FOXJ2: variants seen among roughly 807,000 people sequenced by gnomAD.
The protein encoded by FOXJ2 is forkhead box J2.
FOXJ2 carries 18 observed loss-of-function variants against 68.4 expected under a neutral mutation model. The observed-to-expected ratio is 0.26, with a 90% CI of 0.18 to 0.39. The LOEUF is 0.39. Ranked by LOEUF, FOXJ2 falls within the 10% of genes least tolerant of loss-of-function variation. FOXJ2 has a pLI of 1.00. For synonymous variants in FOXJ2, 274 were observed against 263.2 expected, an observed-to-expected ratio of 1.04 and a Z score of -0.40; for missense variants, 670 against 726.5, an observed-to-expected ratio of 0.92 and a Z score of 0.89.
Position 8,044,854 on chromosome 12 carries a change from A to G in FOXJ2, c.713A>G (p.Asp238Gly), listed in dbSNP as rs772480881. The G allele has an allele frequency of 4.4e-5, 71 of 1,614,040 alleles. No homozygotes were observed. The Middle Eastern group carries it at 8.3e-4, about 19-fold the overall frequency. Residue 238 changes from aspartate (D) to glycine (G), a missense_variant, in exon 6 of 11, where the codon GAC becomes GGC. Transcript: ENST00000162391. ...CCTCCCCTCTATAACACCAACCATG[A>G]CTTTAAATTCTCCTACTCAGAGATC... Reference protein sequence around the residue: ...GPPPLYNTNHDFKFSYSEINF... With the variant: ...GPPPLYNTNHGFKFSYSEINF...
rs768426316 is a variant in FOXJ2 at position 8,054,266 on chromosome 12, A to C, written c.*1416A>C. On this transcript the variant is annotated 3_prime_UTR_variant, in exon 11 of 11. Transcript: ENST00000162391. ...ATCTCTTTTACAAGGGGTGGCCATG[A>C]CTTACTGTTGCAAAGTACTCAGTGT... is the stretch of plus-strand genomic sequence containing the variant. The C allele has an allele frequency of 2.0e-5, 3 of 152,228 alleles. No homozygotes were observed. Among genetic ancestry groups the C allele is most frequent in the Non-Finnish European group, 2.9e-5 (2 of 68,048 alleles). 9.4% of individuals were successfully genotyped at this position (152,228 alleles called of 1,614,324 possible).
chr12:8,047,817 G>A (rs1947058243), intron 6 of FOXJ2, 65 bp from the exon 7 acceptor site: 2 of 1,521,430 alleles, frequency 1.3e-6, no homozygotes, highest in Non-Finnish European at 1.8e-6. Context: ...CTCAACCCAG[G>A]GAAAATCCCA....
Position 8,038,707 on chromosome 12 carries a change from G to A in FOXJ2, c.-14-1112G>A, listed in dbSNP as rs963786018. Among the ~76,000 whole-genome samples the A allele has an allele frequency of 6.6e-6, 1 of 152,326 alleles. No individual in the cohort carries two copies. Among genetic ancestry groups the A allele is most frequent in the African/African-American group, 2.4e-5 (1 of 41,570 alleles). ...CACCCATCGTTCTTCACCTTCCCTC[G>A]CAAGATGTCACTAGCTATACCTCTC... On this transcript the variant is annotated intron_variant, in intron 1 of 10. Transcript: ENST00000162391. The surrounding 1 kb of genome is among the most constrained non-coding windows in gnomAD (Gnocchi z 5.3).
At chr12:8,050,286 A>C in intron 9 of FOXJ2, 1 of 1,247,660 alleles carries the variant, frequency 8.0e-7, no homozygotes, top group Non-Finnish European at 1.0e-6. Context: ...CTGTGTTTCT[A>C]TATTTTTCTT....
In FOXJ2 at chr12:8,052,694, G is replaced by A. The variant is rs1947141900; in HGVS notation, c.1637-68G>A. 2.2e-6 allele frequency: 3 copies of A among 1,354,696 alleles called. No homozygotes were observed. In the East Asian group the frequency reaches 7.4e-5, roughly 34 times the overall value. 83.9% of individuals were successfully genotyped at this position (1,354,696 alleles called of 1,614,324 possible). On this transcript the variant is annotated intron_variant, in intron 10 of 10. Transcript: ENST00000162391. ...GTGGTGTTATCTGGGGCTGAGCACT[G>A]TCCTTGTAAATTGAGGGAACAGCTT...
intron 1 of FOXJ2, among the ~76,000 whole-genome samples, chr12:8,034,137 A>T (rs928067784): frequency 6.6e-6 from 1 of 152,230 alleles, no homozygotes; most frequent in Non-Finnish European, 1.5e-5. Context: ...TTTTGAGAAC[A>T]TGCATACTGT....
At chr12:8,041,401 C>A (rs1946962795) in intron 2 of FOXJ2, among the ~76,000 whole-genome samples, 1 of 151,736 alleles carries the variant, frequency 6.6e-6, no homozygotes, top group African/African-American at 2.4e-5. Context: ...GACGGGGTTT[C>A]ACCATGTTGG....
rs1197855865 is a variant in FOXJ2 at position 8,035,394 on chromosome 12, A to G, written c.-15+1561A>G. Among the ~76,000 whole-genome samples, 1 of 152,118 alleles carries G rather than the reference A, an allele frequency of 6.6e-6. No individual in the cohort carries two copies. The highest frequency in any genetic ancestry group is 1.5e-5 in the Non-Finnish European group (1 of 68,006). ...GAGCCCTCGTGACGGTCTACAGGAC[A>G]GTCCTTTAAGCAGCAGGGCAACCCA... is the stretch of plus-strand genomic sequence containing the variant. On this transcript the variant is annotated intron_variant, in intron 1 of 10. Coordinates refer to ENST00000162391, the MANE Select transcript of FOXJ2 (RefSeq NM_018416.3). This position sits in a 1 kb window ranked among gnomAD's most constrained non-coding sequence, Gnocchi z 4.0.
intron 6 of FOXJ2, 112 bp from the exon 7 acceptor site, chr12:8,047,770 C>T: frequency 7.3e-7 from 1 of 1,364,134 alleles, no homozygotes; most frequent in Non-Finnish European, 9.9e-7. Context: ...ATGTTCTTAC[C>T]CTTTTAACTC....
rs1356218488 is a variant in FOXJ2, at chr12:8,054,716, C to T, written c.*1866C>T. ...GGTTGAAGTATGACATAATATTTCC[C>T]ATTGGGGAAAGGAGAATTTCTCTTA... is the stretch of plus-strand genomic sequence containing the variant. On this transcript the variant is annotated 3_prime_UTR_variant, in exon 11 of 11. Transcript: ENST00000162391. 1 of 152,492 alleles carries T rather than the reference C, an allele frequency of 6.6e-6. No homozygotes were observed. Among genetic ancestry groups the T allele is most frequent in the Non-Finnish European group, 1.5e-5 (1 of 68,032 alleles). 9.4% of individuals were successfully genotyped at this position (152,492 alleles called of 1,614,324 possible). A position where few individuals can be genotyped will look rare whatever the true frequency, so the allele number is the denominator to read the frequency against.
At position 8,048,095 on chromosome 12, in the gene FOXJ2, G is replaced by A. The variant is rs756621090; in HGVS notation, c.1031G>A (p.Cys344Tyr). 4 of 1,612,298 alleles carry A rather than the reference G, an allele frequency of 2.5e-6. No homozygotes were observed. Among genetic ancestry groups the A allele is most frequent in the African/African-American group, 2.7e-5 (2 of 74,912 alleles). ...PPLHTPSTDGCTPPGGKQAGA... is the reference protein window; with the variant it reads ...PPLHTPSTDGYTPPGGKQAGA... The stretch of plus-strand genomic sequence containing the variant: ...CTGCACACCCCAAGCACAGATGGTT[G>A]TACCCCACCAGGGGGAAAGCAAGCT... The change falls in exon 7 of 11, where the codon TGT becomes TAT. Residue 344 changes from cysteine to tyrosine, a missense_variant. Physicochemically the swap from Cys to Tyr is radical, Grantham distance 194. Transcript: ENST00000162391.
In FOXJ2 at chr12:8,032,772, C is replaced by T. The variant is rs2121309692; in HGVS notation, c.-1076C>T. On this transcript the variant is annotated 5_prime_UTR_variant, in exon 1 of 11. Coordinates refer to ENST00000162391, the MANE Select transcript of FOXJ2 (RefSeq NM_018416.3). This position sits in a 1 kb window ranked among gnomAD's most constrained non-coding sequence, Gnocchi z 4.8. ...CCGAGCCCTGACACTGTCTGCCCGC[C>T]TTCTGGCTCCCCGGGAGCCCAGACT... The T allele has an allele frequency of 5.0e-6, 2 of 398,082 alleles. No homozygotes were observed. The highest frequency in any genetic ancestry group is 8.9e-6 in the Non-Finnish European group (2 of 225,734). 24.7% of individuals were successfully genotyped at this position (398,082 alleles called of 1,614,324 possible).
chr12:8,052,883 C>T lies in FOXJ2; in HGVS notation c.*33C>T, dbSNP rs189205542. 1.6e-3 allele frequency: 2,473 copies of T among 1,562,954 alleles called. 2 individuals carry two copies. Among genetic ancestry groups the T allele is most frequent in the Non-Finnish European group, 2.0e-3 (2,279 of 1,144,522 alleles). On this transcript the variant is annotated 3_prime_UTR_variant, in exon 11 of 11. Coordinates refer to ENST00000162391, the MANE Select transcript of FOXJ2 (RefSeq NM_018416.3). ...CAGAGTGTGGACATCAGCCCAGGGC[C>T]GCGTGGTGAAATCTGGCAGTGGGGA...
At chr12:8,050,262 C>A in intron 9 of FOXJ2, 1 of 1,134,572 alleles carries the variant, frequency 8.8e-7, no homozygotes, top group Non-Finnish European at 1.1e-6. Context: ...AGGCATGAGC[C>A]ACCATACCTG....
Position 8,054,820 on chromosome 12 carries a change from T to C in FOXJ2, c.*1970T>C, listed in dbSNP as rs1257779084. 2.0e-5 allele frequency: 3 copies of C among 152,240 alleles called. No homozygotes were observed. The highest frequency in any genetic ancestry group is 4.4e-5 in the Non-Finnish European group (3 of 68,052). 9.4% of individuals were successfully genotyped at this position (152,240 alleles called of 1,614,324 possible). A position where few individuals can be genotyped will look rare whatever the true frequency, so the allele number is the denominator to read the frequency against. The stretch of plus-strand genomic sequence containing the variant: ...CCTTATTCCTTCCAGTCAGGGTGTG[T>C]CCTATACAAAACTTCCCATCAGTTC... On this transcript the variant is annotated 3_prime_UTR_variant, in exon 11 of 11. Transcript: ENST00000162391.
At chr12:8,049,216 A>G in intron 8 of FOXJ2, 146 bp from the exon 9 acceptor site, 1 of 645,692 alleles carries the variant, frequency 1.5e-6, no homozygotes, top group South Asian at 2.1e-5. Flanking sequence ...GAAAATGCAG[A>G]GCTCTGAAAG....
intron 3 of FOXJ2, among the ~76,000 whole-genome samples, chr12:8,043,217 C>CAAAAAAAAA (rs11423157): frequency 3.4e-5 from 2 of 58,178 alleles, no homozygotes; most frequent in African/African-American, 1.2e-4. Flanking sequence ...AACTCCATCT[C>CAAAAAAAAA]AAAAAAAAAA....
rs1294404024 is a variant in FOXJ2 at position 8,035,901 on chromosome 12, A to G, written c.-15+2068A>G. ...GCATTAGCCAGTACTGGGTGATATT[A>G]TCTCTAAAGGAAAAGTTTGAGATTC... On this transcript the variant is annotated intron_variant, in intron 1 of 10. Coordinates refer to ENST00000162391, the MANE Select transcript of FOXJ2 (RefSeq NM_018416.3). The surrounding 1 kb of genome is among the most constrained non-coding windows in gnomAD (Gnocchi z 4.0). Among the ~76,000 whole-genome samples, 1 of 152,156 alleles carries G rather than the reference A, an allele frequency of 6.6e-6. No homozygotes were observed. The highest frequency in any genetic ancestry group is 2.4e-5 in the African/African-American group (1 of 41,420).
At chr12:8,049,740 A>C in intron 9 of FOXJ2, 169 bp downstream of exon 9, 1 of 577,066 alleles carries the variant, frequency 1.7e-6, no homozygotes, top group Non-Finnish European at 2.9e-6. Flanking sequence ...GTGAAGTCCT[A>C]AACTGAAAAA....
Sources: gnomAD v4.1 joint callset for allele counts (sites outside exome capture counted in the v4.1 genomes callset) on GRCh38, gnomAD v4.1.1 for gene constraint, Gnocchi (gnomAD v3.1) non-coding constraint, MANE v1.5 for transcripts, NCBI Gene and HGNC (gene_info 2026-07-23, HGNC 2026-07-21) for gene names.